The following CELF2 variants were observed in gnomAD, a reference collection of about 807,000 sequenced individuals.
CELF2 encodes CUG triplet repeat RNA-binding protein 2.
CELF2 carries 8 observed loss-of-function variants against 62.6 expected under a neutral mutation model. That is an observed-to-expected ratio of 0.13 (90% CI 0.07 to 0.23). The LOEUF (loss-of-function observed/expected upper bound fraction) is 0.23. Ranked by LOEUF, CELF2 falls within the 10% of genes least tolerant of loss-of-function variation. The probability of loss-of-function intolerance (pLI) is 1.00; values close to 1 mark genes in which losing one functional copy is unlikely to be tolerated. For missense variants in CELF2, 333 were observed against 671.0 expected (o/e 0.50, Z 5.56); for synonymous variants, 258 against 250.0 (o/e 1.03, Z -0.30).
Position 11,117,797 on chromosome 10 carries a change from G to C in CELF2, c.75-47689G>C, listed in dbSNP as rs2056876525. Among the ~76,000 whole-genome samples, 1 of 152,138 alleles carries C rather than the reference G, an allele frequency of 6.6e-6. No individual in the cohort carries two copies. Among genetic ancestry groups the C allele is most frequent in the Non-Finnish European group, 1.5e-5 (1 of 68,022 alleles). Reference sequence around the variant, plus strand: ...AAAGCATCAGGCTTGGGTCAAATAGGATTCATCTGAGCTTCTGGTTCTGAT... The same window carrying C: ...AAAGCATCAGGCTTGGGTCAAATAGCATTCATCTGAGCTTCTGGTTCTGAT... On this transcript the variant is annotated intron_variant, in intron 1 of 12. Transcript: ENST00000633077. This position sits in a 1 kb window ranked among gnomAD's most constrained non-coding sequence, Gnocchi z 4.1.
chr10:10,599,641 C>T, the CELF2 span, among the ~76,000 whole-genome samples: 2 of 151,922 alleles, frequency 1.3e-5, no homozygotes, highest in East Asian at 1.9e-4. Flanking sequence ...TATCACTGTG[C>T]GCTTTGCTGC....
intron 1 of CELF2, among the ~76,000 whole-genome samples, chr10:10,846,679 T>C (rs2059033882): frequency 2.0e-5 from 3 of 152,218 alleles, no homozygotes; most frequent in African/African-American, 7.2e-5. Flanking sequence ...TAAGGGATGC[T>C]TTCTACCTAG....
At chr10:11,019,943 C>T (rs1161167809) in intron 1 of CELF2, among the ~76,000 whole-genome samples, 1 of 152,182 alleles carries the variant, frequency 6.6e-6, no homozygotes, top group Non-Finnish European at 1.5e-5. Context: ...AATTTATGGT[C>T]ACCTGCTACT....
At chr10:10,571,288 C>A in the CELF2 span, among the ~76,000 whole-genome samples, 1 of 152,132 alleles carries the variant, frequency 6.6e-6, no homozygotes, top group Non-Finnish European at 1.5e-5. Flanking sequence ...TAGTAAAGAA[C>A]GTACTTCAGT....
the CELF2 span, among the ~76,000 whole-genome samples, chr10:10,526,291 G>A: frequency 6.6e-6 from 1 of 152,096 alleles, no homozygotes; most frequent in African/African-American, 2.4e-5. Flanking sequence ...AAAAAATTAT[G>A]GATTTATTGC....
chr10:10,919,555 C>T (rs910844563), intron 1 of CELF2, among the ~76,000 whole-genome samples: 3 of 152,182 alleles, frequency 2.0e-5, no homozygotes, highest in Non-Finnish European at 4.4e-5. Flanking sequence ...CATGAAGCAA[C>T]ATCCCCAAAG....
chr10:10,474,530 T>C, the CELF2 span, among the ~76,000 whole-genome samples: 1 of 152,096 alleles, frequency 6.6e-6, no homozygotes, highest in African/African-American at 2.4e-5. Flanking sequence ...TATAAATGAG[T>C]AAATGTGACA....
At chr10:10,854,869 T>C (rs772819587) in intron 1 of CELF2, among the ~76,000 whole-genome samples, 3 of 151,584 alleles carry the variant, frequency 2.0e-5, no homozygotes, top group Non-Finnish European at 2.9e-5. Context: ...CATACCAGGA[T>C]TGAATCCACC....
the CELF2 span, among the ~76,000 whole-genome samples, chr10:10,703,810 G>C: frequency 4.6e-5 from 7 of 152,292 alleles, no homozygotes; most frequent in African/African-American, 7.2e-5. Flanking sequence ...TTTCTCAGAC[G>C]AGGGAGAATT....
chr10:11,298,286 C>T (rs550757568), intron 9 of CELF2, among the ~76,000 whole-genome samples: 1 of 152,312 alleles, frequency 6.6e-6, no homozygotes, highest in Admixed American at 6.5e-5. Context: ...AGCACCCTGG[C>T]CTTGTGGTGC....
At chr10:10,496,815 T>G in the CELF2 span, among the ~76,000 whole-genome samples, 1 of 151,816 alleles carries the variant, frequency 6.6e-6, no homozygotes, top group Non-Finnish European at 1.5e-5. Flanking sequence ...TTTGGGGGTG[T>G]GGAGGTTCAT....
chr10:11,086,448 T>C (rs1386444996), intron 1 of CELF2, among the ~76,000 whole-genome samples: 9 of 151,768 alleles, frequency 5.9e-5, no homozygotes, highest in Non-Finnish European at 1.2e-4. Context: ...ACGCCAACAT[T>C]CCAACATCAT....
chr10:10,716,756 A>G, the CELF2 span, among the ~76,000 whole-genome samples: 2 of 152,314 alleles, frequency 1.3e-5, no homozygotes, highest in African/African-American at 4.8e-5. Context: ...AGCACTGGCA[A>G]CCAAACTTTC....
the CELF2 span, among the ~76,000 whole-genome samples, chr10:10,678,962 A>G: frequency 6.6e-6 from 1 of 152,186 alleles, no homozygotes; most frequent in South Asian, 2.1e-4. Context: ...GTCTCCAGAA[A>G]AGAGCAAATA....
chr10:10,646,259 A>T, the CELF2 span, among the ~76,000 whole-genome samples: 1 of 152,210 alleles, frequency 6.6e-6, no homozygotes, highest in African/African-American at 2.4e-5. Context: ...ACCAAAGTTC[A>T]CCTACTTCAC....
At chr10:10,727,589 A>G in the CELF2 span, among the ~76,000 whole-genome samples, 7 of 152,182 alleles carry the variant, frequency 4.6e-5, no homozygotes, top group African/African-American at 1.4e-4. Context: ...ATCCTGGCTA[A>G]CACAGTGAAA....
intron 2 of CELF2, among the ~76,000 whole-genome samples, chr10:11,176,200 A>G (rs1294209571): frequency 3.3e-5 from 5 of 151,954 alleles, no homozygotes; most frequent in Non-Finnish European, 7.4e-5. Context: ...CTTTGTCTTC[A>G]TTTGGTTCCC....
At chr10:10,631,822 A>C in the CELF2 span, among the ~76,000 whole-genome samples, 3 of 152,220 alleles carry the variant, frequency 2.0e-5, no homozygotes, top group Non-Finnish European at 4.4e-5. Context: ...AAAAGTATTG[A>C]GCAGAGATAC....
chr10:10,482,290 T>A, the CELF2 span, among the ~76,000 whole-genome samples: 1 of 152,218 alleles, frequency 6.6e-6, no homozygotes, highest in Non-Finnish European at 1.5e-5. Context: ...GTATAGAGTG[T>A]ATGTTTTGCT....
Sources: allele counts gnomAD v4.1 joint callset (sites outside exome capture counted in the v4.1 genomes callset), GRCh38; gene constraint gnomAD v4.1.1; non-coding constraint Gnocchi (gnomAD v3.1); transcripts MANE v1.5; gene names NCBI Gene and HGNC (gene_info 2026-07-23, HGNC 2026-07-21).